Variants in SMAD7 observed in about 807,000 individuals in gnomAD.
The protein encoded by SMAD7 is SMAD family member 7, also known as MAD (mothers against decapentaplegic, Drosophila) homolog 7.
In SMAD7, 8 loss-of-function variants were observed where a neutral mutation model predicts 38.7. The ratio of observed to expected loss-of-function variants is 0.21; its 90% CI spans 0.12 to 0.37. The LOEUF is 0.37. SMAD7 is among the 10% of genes least tolerant of loss of function. The pLI, the probability that SMAD7 is intolerant of heterozygous loss-of-function variation, is 1.00. For missense variants in SMAD7, 477 were observed against 577.9 expected (o/e 0.83, Z 1.79); for synonymous variants, 327 against 265.1 (o/e 1.23, Z -2.27).
chr18:48,927,065 T>C (rs1360202573), intron 3 of SMAD7, among the ~76,000 whole-genome samples: 2 of 152,202 alleles, frequency 1.3e-5, no homozygotes, highest in East Asian at 3.9e-4. Context: ...TAATCCACCA[T>C]GCTCACAGCC....
At chr18:48,939,382 C>T (rs1422807136) in intron 3 of SMAD7, among the ~76,000 whole-genome samples, 1 of 141,594 alleles carries the variant, frequency 7.1e-6, no homozygotes, top group African/African-American at 2.7e-5. Flanking sequence ...CCCACCCCCC[C>T]ACACCCCCCC....
chr18:48,936,849 G>C (rs1228737603), intron 3 of SMAD7, among the ~76,000 whole-genome samples: 3 of 152,178 alleles, frequency 2.0e-5, no homozygotes, highest in African/African-American at 7.2e-5. Context: ...GGAGGCCAAG[G>C]CGGGCGGATC....
chr18:48,927,097 AC>A (rs1352424470), intron 3 of SMAD7, among the ~76,000 whole-genome samples: 1 of 152,140 alleles, frequency 6.6e-6, no homozygotes, highest in African/African-American at 2.4e-5. Flanking sequence ...AGGAAATAGG[AC>A]CCCAGAGCTC....
At chr18:48,944,676 G>T (rs1212192483) in intron 2 of SMAD7, among the ~76,000 whole-genome samples, 1 of 152,290 alleles carries the variant, frequency 6.6e-6, no homozygotes. Flanking sequence ...TCCTGGAGGT[G>T]GCCAGGCCAT....
intron 3 of SMAD7, among the ~76,000 whole-genome samples, chr18:48,940,055 A>T (rs1343749723): frequency 6.6e-6 from 1 of 152,134 alleles, no homozygotes; most frequent in African/African-American, 2.4e-5. Context: ...CTCGCTACAA[A>T]GAGGACAGCC....
intron 2 of SMAD7, among the ~76,000 whole-genome samples, chr18:48,947,820 A>G (rs1222822875): frequency 6.6e-6 from 1 of 151,632 alleles, no homozygotes; most frequent in African/African-American, 2.4e-5. Flanking sequence ...AAACTTTGAT[A>G]GTCCCTATGG....
chr18:48,935,578 C>A (rs2070054730), intron 3 of SMAD7, among the ~76,000 whole-genome samples: 1 of 152,156 alleles, frequency 6.6e-6, no homozygotes. Flanking sequence ...TTGGAGCCAA[C>A]CCTGGCACCA....
At chr18:48,923,852 C>T (rs906426326) in intron 3 of SMAD7, among the ~76,000 whole-genome samples, 1 of 152,180 alleles carries the variant, frequency 6.6e-6, no homozygotes, top group African/African-American at 2.4e-5. Context: ...CACATACGTA[C>T]TGGAACATAT....
Position 48,949,889 on chromosome 18 carries a change from C to G in SMAD7, c.536G>C (p.Cys179Ser). 6.2e-7 allele frequency: 1 copy of G among 1,613,782 alleles called. No homozygotes were observed. The highest frequency in any genetic ancestry group is 8.5e-7 in the Non-Finnish European group (1 of 1,179,900). Residue 179 changes from cysteine to serine, a missense_variant, in exon 1 of 4, where the codon TGC becomes TCC. Around this residue, in one of 2 missense-constraint regions of SMAD7, gnomAD observed 376 missense variants for 379.4 expected, o/e 0.99. Transcript: ENST00000262158. ...RHSSEVKRLC[C>S]CESYGKINPE... ...GTTGATCTTCCCGTAAGATTCACAGCAACACAGCCTCTTGACTTCCGAGGA... is the reference window on the plus strand; with the variant it reads ...GTTGATCTTCCCGTAAGATTCACAGGAACACAGCCTCTTGACTTCCGAGGA...
chr18:48,950,466 GGA>G lies in SMAD7; in HGVS notation c.-44_-43del. The stretch of plus-strand genomic sequence containing the variant: ...AGGAGAAAAGTCGTTTGCCTGCTAA[GGA>G]GCGAACATGACCTCCGCACACCATG... On this transcript the variant is annotated 5_prime_UTR_variant, in exon 1 of 4. An upstream open reading frame in the 5' UTR loses its in-frame stop. Coordinates refer to ENST00000262158, the MANE Select transcript of SMAD7 (RefSeq NM_005904.4). 1 of 1,527,844 alleles carries G rather than the reference GGA, an allele frequency of 6.5e-7. No individual in the cohort carries two copies. The highest frequency in any genetic ancestry group is 8.8e-7 in the Non-Finnish European group (1 of 1,138,248). The allele number at this position is 1,527,844 out of a possible 1,614,324, so 94.6% of individuals were successfully genotyped here. A position where few individuals can be genotyped will look rare whatever the true frequency, so the allele number is the denominator to read the frequency against.
chr18:48,925,052 C>G (rs201104652), intron 3 of SMAD7, among the ~76,000 whole-genome samples: 1 of 152,200 alleles, frequency 6.6e-6, no homozygotes, highest in Non-Finnish European at 1.5e-5. Flanking sequence ...TCTGTGTGGA[C>G]GCTTTGCTCC....
chr18:48,921,132 C>T lies in SMAD7; in HGVS notation c.*240G>A, dbSNP rs2069852893. 3.9e-6 allele frequency: 2 copies of T among 517,418 alleles called. No individual in the cohort carries two copies. The highest frequency in any genetic ancestry group is 3.8e-5 in the African/African-American group (2 of 52,140). 32.1% of individuals were successfully genotyped at this position (517,418 alleles called of 1,614,324 possible). ...CCCTCTTCCTATCAGGGTGTCCTGC[C>T]GATCATACCTGCCCCTTCTTCCAAA... On this transcript the variant is annotated 3_prime_UTR_variant, in exon 4 of 4. Coordinates refer to ENST00000262158, the MANE Select transcript of SMAD7 (RefSeq NM_005904.4). The surrounding 1 kb of genome is among the most constrained non-coding windows in gnomAD (Gnocchi z 6.4).
Position 48,950,823 on chromosome 18 carries a change from G to C in SMAD7, c.-399C>G, listed in dbSNP as rs1168883963. The C allele has an allele frequency of 6.6e-6, 1 of 151,436 alleles. No individual in the cohort carries two copies. The highest frequency in any genetic ancestry group is 2.1e-4 in the South Asian group (1 of 4,824). 9.4% of individuals were successfully genotyped at this position (151,436 alleles called of 1,614,324 possible). On this transcript the variant is annotated 5_prime_UTR_variant, in exon 1 of 4. Transcript: ENST00000262158. ...CCCCCCGCAGTGGCTCCCGAATGTC[G>C]GGCTCGCCAGCCTCGGCTTCCTACA...
At chr18:48,936,744 C>A (rs2070071892) in intron 3 of SMAD7, among the ~76,000 whole-genome samples, 1 of 152,102 alleles carries the variant, frequency 6.6e-6, no homozygotes, top group African/African-American at 2.4e-5. Flanking sequence ...GCCTGGCCAT[C>A]ATAATTCTGC....
intron 3 of SMAD7, among the ~76,000 whole-genome samples, chr18:48,929,569 T>TCTCACACACACACACACACACACACACA (rs3082710): frequency 4.4e-4 from 51 of 114,610 alleles, no homozygotes; most frequent in African/African-American, 1.7e-3. Context: ...TCTCTCTCTC[T>TCTCACACACACACACACACACACACACA]CACTCACACA....
At position 48,941,878 on chromosome 18, in the gene SMAD7, C is replaced by CCGCATA. The variant is rs1433560468; in HGVS notation, c.742+602_742+603insTATGCG. Among the ~76,000 whole-genome samples, 43 of 152,282 alleles carry CCGCATA rather than the reference C, an allele frequency of 2.8e-4. 1 individual carries two copies. The East Asian group carries it at 6.6e-3, about 23-fold the overall frequency. On this transcript the variant is annotated intron_variant, in intron 3 of 3. Transcript: ENST00000262158. ...CCAGGCCTTCACGCATACCTGTGAG[C>CCGCATA]CCTGAGGAAAACCTGCCCCGCTAGG... is the stretch of plus-strand genomic sequence containing the variant.
intron 3 of SMAD7, among the ~76,000 whole-genome samples, chr18:48,922,896 G>A (rs765364435): frequency 3.9e-5 from 6 of 151,960 alleles, no homozygotes; most frequent in Non-Finnish European, 8.8e-5. Context: ...CCTGGGGGCC[G>A]GGGTGATTCT....
chr18:48,935,790 A>G (rs1167900333), intron 3 of SMAD7, among the ~76,000 whole-genome samples: 1 of 152,186 alleles, frequency 6.6e-6, no homozygotes, highest in Non-Finnish European at 1.5e-5. Flanking sequence ...GGTAACACAC[A>G]GCAGAAGGCC....
At position 48,925,770 on chromosome 18, in the gene SMAD7, G is replaced by A. The variant is rs192481062; in HGVS notation, c.743-3860C>T. ...TGTTTTTCTTTTTTTTTTTTGAGATGGAGTCTCGCTCTGTCGCCCAGGCTG... is the reference window on the plus strand; with the variant it reads ...TGTTTTTCTTTTTTTTTTTTGAGATAGAGTCTCGCTCTGTCGCCCAGGCTG... On this transcript the variant is annotated intron_variant, in intron 3 of 3. Transcript: ENST00000262158. 6.9e-3 allele frequency among the ~76,000 whole-genome samples: 1,042 copies of A among 151,206 alleles called. 9 individuals are homozygous for A. The highest frequency in any genetic ancestry group is 0.024 in the African/African-American group (987 of 41,156).
Sources: gnomAD v4.1 joint callset for allele counts (sites outside exome capture counted in the v4.1 genomes callset) on GRCh38, gnomAD v4.1.1 for gene constraint, gnomAD v4.1.1 regional missense constraint, Gnocchi (gnomAD v3.1) non-coding constraint, MANE v1.5 for transcripts, NCBI Gene and HGNC (gene_info 2026-07-23, HGNC 2026-07-21) for gene names.